Variants in ENTPD1 observed in about 807,000 individuals in gnomAD.
The protein encoded by ENTPD1 is ATP diphosphohydrolase.
ENTPD1 carries 33 observed loss-of-function variants against 57.0 expected under a neutral mutation model. That is an observed-to-expected ratio of 0.58 (90% CI 0.44 to 0.77). The LOEUF is 0.77. Ranked by LOEUF, ENTPD1 falls within the 30% of genes least tolerant of loss-of-function variation. The probability of loss-of-function intolerance (pLI) is 0.00; values close to 1 mark genes in which losing one functional copy is unlikely to be tolerated. For missense variants in ENTPD1, 501 were observed against 603.4 expected (o/e 0.83, Z 1.78); for synonymous variants, 202 against 218.8 (o/e 0.92, Z 0.68).
At position 95,712,734 on chromosome 10, in the gene ENTPD1, G is replaced by A. The variant is rs188815941; in HGVS notation, c.37+741G>A. Among the ~76,000 whole-genome samples the A allele has an allele frequency of 4.6e-5, 7 of 152,260 alleles. No homozygotes were observed. The East Asian group carries it at 5.8e-4, about 13-fold the overall frequency. ...AGTGGCACCATATGCACAAACACCA[G>A]CCTTAATAGTCTGTGGTGGGCTGGG... On this transcript the variant is annotated intron_variant, in intron 1 of 9. Coordinates refer to the ENTPD1 transcript ENST00000453258.
chr10:95,700,883 C>T, the ENTPD1 span, among the ~76,000 whole-genome samples: 11 of 151,642 alleles, frequency 7.3e-5, no homozygotes, highest in Admixed American at 7.2e-4. Context: ...GCCTCCACCT[C>T]CCTGGCTCAA....
rs1477097278 is a variant in ENTPD1 at position 95,844,555 on chromosome 10, G to C, written c.493G>C (p.Gly165Arg). ...SLSNYPFDFQGARIITGQEEG... is the reference protein window; with the variant it reads ...SLSNYPFDFQRARIITGQEEG... Reference sequence around the variant, plus strand: ...CAGCAACTACCCCTTTGACTTCCAGGGTGCCAGGATCATTACTGGCCAAGA... The same window carrying C: ...CAGCAACTACCCCTTTGACTTCCAGCGTGCCAGGATCATTACTGGCCAAGA... The change falls in exon 5 of 10, where the codon GGT (glycine) becomes CGT (arginine). Residue 165 changes from glycine to arginine, a missense_variant. Coordinates refer to ENST00000371205, the MANE Select transcript of ENTPD1 (RefSeq NM_001776.6). The C allele has an allele frequency of 6.2e-7, 1 of 1,614,062 alleles. No homozygotes were observed. The highest frequency in any genetic ancestry group is 1.3e-5 in the African/African-American group (1 of 74,912).
chr10:95,868,326 TAGA>T lies in ENTPD1; in HGVS notation c.*1945_*1947del. On this transcript the variant is annotated 3_prime_UTR_variant, in exon 10 of 10. Coordinates refer to ENST00000371205, the MANE Select transcript of ENTPD1 (RefSeq NM_001776.6). ...CAAGGTTCATGGGACTTGGTATTCATAGAAAGGGAGGCAGAAAGCTGGTCTGTT... is the reference window on the plus strand; with the variant it reads ...CAAGGTTCATGGGACTTGGTATTCATAAGGGAGGCAGAAAGCTGGTCTGTT... 3 of 985,458 alleles carry T rather than the reference TAGA, an allele frequency of 3.0e-6. No individual in the cohort carries two copies. The South Asian group carries it at 1.4e-4, about 46-fold the overall frequency. The allele number at this position is 985,458 out of a possible 1,614,324, so 61.0% of individuals were successfully genotyped here.
At chr10:95,712,672 C>T (rs911666742) in intron 1 of ENTPD1, among the ~76,000 whole-genome samples, 2 of 152,132 alleles carry the variant, frequency 1.3e-5, no homozygotes, top group African/African-American at 2.4e-5. Context: ...ATTAACGGGT[C>T]TGTGACTGGT....
intron 1 of ENTPD1, among the ~76,000 whole-genome samples, chr10:95,736,932 A>G (rs2097995278): frequency 1.3e-5 from 2 of 152,100 alleles, no homozygotes; most frequent in Non-Finnish European, 2.9e-5. Flanking sequence ...ATAATATAAA[A>G]CTGTCTACAT....
intron 1 of ENTPD1, among the ~76,000 whole-genome samples, chr10:95,722,008 T>C (rs1248274277): frequency 6.6e-6 from 1 of 152,172 alleles, no homozygotes; most frequent in East Asian, 1.9e-4. Flanking sequence ...AGTTGCCCCA[T>C]CAAGATACAT....
At chr10:95,851,643 T>C (rs1435050035) in intron 7 of ENTPD1, among the ~76,000 whole-genome samples, 1 of 144,324 alleles carries the variant, frequency 6.9e-6, no homozygotes, top group Admixed American at 7.3e-5. Flanking sequence ...TGTGTTCTCA[T>C]TGTTCAATTC....
chr10:95,837,179 G>A (rs1346686878), intron 2 of ENTPD1, among the ~76,000 whole-genome samples: 1 of 152,140 alleles, frequency 6.6e-6, no homozygotes, highest in African/African-American at 2.4e-5. Flanking sequence ...TGGCTCTATG[G>A]GAAGAATGAC....
At chr10:95,706,881 C>T (rs2225894), upstream of ENTPD1, among the ~76,000 whole-genome samples, 127,817 of 152,080 alleles carry the variant, frequency 0.84, 54,281 homozygotes, top group Non-Finnish European at 0.91. Context: ...TGCCTTCCGC[C>T]GCCATTCATG....
intron 2 of ENTPD1, among the ~76,000 whole-genome samples, chr10:95,827,965 C>T (rs2098383550): frequency 6.6e-6 from 1 of 152,056 alleles, no homozygotes; most frequent in Non-Finnish European, 1.5e-5. Flanking sequence ...CATTGATTGA[C>T]TGAAGCCTTA....
At chr10:95,808,959 A>T (rs979269540) in intron 1 of ENTPD1, among the ~76,000 whole-genome samples, 2 of 152,276 alleles carry the variant, frequency 1.3e-5, no homozygotes, top group Middle Eastern at 3.4e-3. Context: ...CATCTGTTTA[A>T]CAAAGCACAT....
upstream of ENTPD1, among the ~76,000 whole-genome samples, chr10:95,709,447 G>C (rs1434392493): frequency 6.6e-6 from 1 of 151,988 alleles, no homozygotes; most frequent in African/African-American, 2.4e-5. Context: ...GCAATGGCCT[G>C]GTCTCGGCTC....
At chr10:95,753,863 G>A (rs896742573), upstream of ENTPD1, 1 of 151,936 alleles carries the variant, frequency 6.6e-6, no homozygotes, top group African/African-American at 2.4e-5. Flanking sequence ...AGGCTTAGTG[G>A]TGCGCATCTA....
intron 1 of ENTPD1, among the ~76,000 whole-genome samples, chr10:95,746,311 A>G (rs1313289888): frequency 6.6e-6 from 1 of 152,106 alleles, no homozygotes; most frequent in Non-Finnish European, 1.5e-5. Flanking sequence ...TACCTCCAAC[A>G]TGGCTTTGTG....
chr10:95,847,811 G>A, intron 7 of ENTPD1, 105 bp downstream of exon 7: 1 of 1,530,894 alleles, frequency 6.5e-7, no homozygotes. Context: ...CTTACATAAT[G>A]TCTTGAGGTA....
At chr10:95,711,659 G>T (rs893537989), upstream of ENTPD1, 4 of 389,718 alleles carry the variant, frequency 1.0e-5, no homozygotes, top group Non-Finnish European at 1.9e-5. Flanking sequence ...TGTTCCTAAG[G>T]CTGACCTTAA....
At chr10:95,695,129 C>T in the ENTPD1 span, among the ~76,000 whole-genome samples, 1 of 151,990 alleles carries the variant, frequency 6.6e-6, no homozygotes, top group African/African-American at 2.4e-5. Context: ...GTCTCGAATT[C>T]CTGACCTCAA....
intron 2 of ENTPD1, among the ~76,000 whole-genome samples, chr10:95,833,340 G>A (rs1432773296): frequency 1.3e-5 from 2 of 152,150 alleles, no homozygotes; most frequent in African/African-American, 4.8e-5. Flanking sequence ...TTGTATTAAA[G>A]ATCTAGTAAC....
intron 1 of ENTPD1, among the ~76,000 whole-genome samples, chr10:95,732,401 T>C (rs2139852829): frequency 6.6e-6 from 1 of 152,328 alleles, no homozygotes. Context: ...CACCCAGCCA[T>C]CTAACCTACT....
Sources: allele counts gnomAD v4.1 joint callset (sites outside exome capture counted in the v4.1 genomes callset), GRCh38; gene constraint gnomAD v4.1.1; transcripts MANE v1.5; gene names NCBI Gene and HGNC (gene_info 2026-07-23, HGNC 2026-07-21).